Variants in TRAPPC8 observed in about 807,000 individuals in gnomAD.
TRAPPC8 encodes the protein trafficking protein particle complex subunit 8.
TRAPPC8 carries 54 observed loss-of-function variants against 174.3 expected under a neutral mutation model. The ratio of observed to expected loss-of-function variants is 0.31; its 90% CI spans 0.25 to 0.39. The LOEUF (loss-of-function observed/expected upper bound fraction) is 0.39, where lower values mean the gene tolerates loss of function less well. Ranked by LOEUF, TRAPPC8 falls within the 10% of genes least tolerant of loss-of-function variation. The pLI is 1.00. For missense variants in TRAPPC8, 1,531 were observed against 1,699.1 expected, an observed-to-expected ratio of 0.90 and a Z score of 1.74; for synonymous variants, 630 against 579.9, an observed-to-expected ratio of 1.09 and a Z score of -1.24.
At chr18:31,874,357 CT>C in intron 13 of TRAPPC8, 122 bp downstream of exon 13, 1 of 1,070,702 alleles carries the variant, frequency 9.3e-7, no homozygotes, top group Non-Finnish European at 1.3e-6. Flanking sequence ...CCTGCCACAG[CT>C]TTTTTATGAC....
In TRAPPC8 at chr18:31,866,908, C is replaced by T. The variant is rs377034433; in HGVS notation, c.2531G>A (p.Gly844Asp). 2 of 1,613,552 alleles carry T rather than the reference C, an allele frequency of 1.2e-6. No homozygotes were observed. The highest frequency in any genetic ancestry group is 1.7e-5 in the Admixed American group (1 of 59,990). ...TACTGTCATAGAGCCCTGAATAGTGCCAAGATTATAAACAACTCCCAGAAT... is the reference window on the plus strand; with the variant it reads ...TACTGTCATAGAGCCCTGAATAGTGTCAAGATTATAAACAACTCCCAGAAT... Reference protein sequence around the residue: ...LHILGVVYNLGTIQGSMTVDG... With the variant: ...LHILGVVYNLDTIQGSMTVDG... Residue 844 changes from glycine (G) to aspartate (D), a missense_variant, in exon 18 of 29, where the codon GGC becomes GAC. Physicochemically the swap from Gly to Asp is moderately conservative, Grantham distance 94. Transcript: ENST00000283351.
intron 12 of TRAPPC8, among the ~76,000 whole-genome samples, chr18:31,878,724 A>G (rs565870401): frequency 6.6e-6 from 1 of 152,314 alleles, no homozygotes; most frequent in African/African-American, 2.4e-5. Flanking sequence ...GCTATCTACA[A>G]GAGACCTATC....
Position 31,857,831 on chromosome 18 carries a change from A to G in TRAPPC8, c.2897T>C (p.Val966Ala), listed in dbSNP as rs1338702739. 6.2e-7 allele frequency: 1 copy of G among 1,614,222 alleles called. No homozygotes were observed. Residue 966 changes from valine (V) to alanine (A), a missense_variant, in exon 20 of 29, where the codon GTT (valine) becomes GCT (alanine). By Grantham distance (64) the Val-to-Ala change is moderately conservative. Coordinates refer to ENST00000283351, the MANE Select transcript of TRAPPC8 (RefSeq NM_014939.5). ...AGCTGAGGGACTTAGTGGTGTTAGA[A>G]CAGCAGTATTACCACCGAAAGTAAA... Reference protein sequence around the residue: ...EFFTFGGNTAVLTPLSPSASE... With the variant: ...EFFTFGGNTAALTPLSPSASE...
intron 4 of TRAPPC8, among the ~76,000 whole-genome samples, chr18:31,915,471 G>GGC (rs1476377298): frequency 7.7e-6 from 1 of 129,574 alleles, no homozygotes; most frequent in Non-Finnish European, 1.7e-5. Context: ...AAAAAAAAAG[G>GGC]GGGGGGGGGC....
intron 1 of TRAPPC8, among the ~76,000 whole-genome samples, chr18:31,937,857 C>A (rs1337661190): frequency 2.0e-5 from 3 of 152,050 alleles, no homozygotes; most frequent in Non-Finnish European, 4.4e-5. Context: ...GCGCCCACCA[C>A]CACACCAGGC....
In TRAPPC8 at chr18:31,846,750, A is replaced by C. The variant is rs2033428030; in HGVS notation, c.3803T>G (p.Ile1268Arg). 1 of 1,612,996 alleles carries C rather than the reference A, an allele frequency of 6.2e-7. No homozygotes were observed. The highest frequency in any genetic ancestry group is 1.3e-5 in the African/African-American group (1 of 74,922). Residue 1268 changes from isoleucine (I) to arginine (R), a missense_variant, in exon 26 of 29, where the codon ATA (isoleucine) becomes AGA (arginine). Coordinates refer to ENST00000283351, the MANE Select transcript of TRAPPC8 (RefSeq NM_014939.5). Reference sequence around the variant, plus strand: ...AGGATATGAAAAGGCTTCTTTTCCTATAGTGCGAAGAATAACATGATGTTG... The same window carrying C: ...AGGATATGAAAAGGCTTCTTTTCCTCTAGTGCGAAGAATAACATGATGTTG... ...EGQHHVILRT[I>R]GKEAFSYPQK...
chr18:31,852,875 A>AGG, intron 22 of TRAPPC8: 2 of 523,108 alleles, frequency 3.8e-6, no homozygotes, highest in African/African-American at 1.9e-5. Context: ...ATGTGTGCAC[A>AGG]TGTATATATA....
At chr18:31,836,493 A>G (rs375981468) in intron 27 of TRAPPC8, among the ~76,000 whole-genome samples, 36 of 152,332 alleles carry the variant, frequency 2.4e-4, no homozygotes, top group African/African-American at 7.9e-4. Context: ...AGAAGCACCA[A>G]GGTTATTCAG....
intron 2 of TRAPPC8, among the ~76,000 whole-genome samples, chr18:31,920,180 T>C (rs946010742): frequency 3.8e-4 from 58 of 152,256 alleles, no homozygotes; most frequent in African/African-American, 1.3e-3. Flanking sequence ...TCTATTTACT[T>C]TGTTGCTTCA....
In TRAPPC8 at chr18:31,847,591, G is replaced by C. The variant is rs964536397; in HGVS notation, c.3736-774C>G. ...CTATACTTATAATGGACTAATGACA[G>C]TTTGCCATCCACAGAACAAACTTTG... is the stretch of plus-strand genomic sequence containing the variant. On this transcript the variant is annotated intron_variant, in intron 25 of 28. Coordinates refer to ENST00000283351, the MANE Select transcript of TRAPPC8 (RefSeq NM_014939.5). Among the ~76,000 whole-genome samples, 4 of 152,320 alleles carry C rather than the reference G, an allele frequency of 2.6e-5. No homozygotes were observed. The East Asian group carries it at 7.7e-4, about 29-fold the overall frequency.
chr18:31,936,739 TAAC>T (rs1485857865), intron 1 of TRAPPC8, among the ~76,000 whole-genome samples: 2 of 150,024 alleles, frequency 1.3e-5, no homozygotes, highest in Non-Finnish European at 3.0e-5. Flanking sequence ...CTGTCTCTAC[TAAC>T]AACACGAAAA....
chr18:31,910,365 G>C lies in TRAPPC8; in HGVS notation c.772-605C>G, dbSNP rs551891468. Among the ~76,000 whole-genome samples, 4 of 152,226 alleles carry C rather than the reference G, an allele frequency of 2.6e-5. No individual in the cohort carries two copies. The South Asian group carries it at 8.3e-4, about 32-fold the overall frequency. ...TTATTCTGAGTGTCACACTTTGAGG[G>C]AATTTACATAAACTAGAACTCAAGA... is the stretch of plus-strand genomic sequence containing the variant. On this transcript the variant is annotated intron_variant, in intron 5 of 28. Transcript: ENST00000283351.
intron 12 of TRAPPC8, among the ~76,000 whole-genome samples, chr18:31,876,647 G>T (rs1288685245): frequency 6.6e-6 from 1 of 152,126 alleles, no homozygotes; most frequent in African/African-American, 2.4e-5. Context: ...AAACTAGAGT[G>T]CAGGAAAGAA....
At chr18:31,912,224 C>T (rs936478746) in intron 5 of TRAPPC8, among the ~76,000 whole-genome samples, 2 of 152,188 alleles carry the variant, frequency 1.3e-5, no homozygotes, top group African/African-American at 2.4e-5. Flanking sequence ...GGCATGATGG[C>T]TCATGCCTAT....
chr18:31,920,940 C>T (rs1487867964), intron 2 of TRAPPC8, among the ~76,000 whole-genome samples: 4 of 120,134 alleles, frequency 3.3e-5, no homozygotes, highest in African/African-American at 6.4e-5. Context: ...AGCGACACTC[C>T]GTCTCAAAAA....
At chr18:31,854,251 T>A (rs1338264857) in intron 21 of TRAPPC8, among the ~76,000 whole-genome samples, 1 of 152,132 alleles carries the variant, frequency 6.6e-6, no homozygotes, top group Non-Finnish European at 1.5e-5. Flanking sequence ...AGATAAAAAA[T>A]TGTCAATTTT....
At chr18:31,919,787 G>C (rs1046489684) in intron 2 of TRAPPC8, among the ~76,000 whole-genome samples, 1 of 151,752 alleles carries the variant, frequency 6.6e-6, no homozygotes, top group African/African-American at 2.4e-5. Flanking sequence ...CCTGAGCCCA[G>C]GAAGTCAAGG....
chr18:31,855,955 ATAGT>A (rs1177323095), intron 20 of TRAPPC8, 148 bp from the exon 21 acceptor site: 75 of 883,108 alleles, frequency 8.5e-5, no homozygotes, highest in East Asian at 1.2e-4. Flanking sequence ...GTAAAATTAC[ATAGT>A]TAGCCTAACT....
intron 26 of TRAPPC8, among the ~76,000 whole-genome samples, chr18:31,843,093 T>C (rs2033193045): frequency 1.3e-5 from 2 of 152,170 alleles, no homozygotes; most frequent in Admixed American, 1.3e-4. Flanking sequence ...CTTTTATAAA[T>C]TCTTAAGGAA....
Sources: allele counts gnomAD v4.1 joint callset (sites outside exome capture counted in the v4.1 genomes callset), GRCh38; gene constraint gnomAD v4.1.1; transcripts MANE v1.5; gene names NCBI Gene and HGNC (gene_info 2026-07-23, HGNC 2026-07-21).